FAM193A: variants seen among roughly 807,000 people sequenced by gnomAD.
FAM193A encodes family with sequence similarity 193 member A.
FAM193A carries 22 observed loss-of-function variants against 126.5 expected under a neutral mutation model. That is an observed-to-expected ratio of 0.17 (90% CI 0.12 to 0.25). FAM193A has a LOEUF of 0.25. FAM193A is among the 10% of genes least tolerant of loss of function. FAM193A has a pLI of 1.00. For missense variants in FAM193A, 1,675 were observed against 1,672.8 expected (o/e 1.00, Z -0.02); for synonymous variants, 761 against 646.8 (o/e 1.18, Z -2.68).
intron 1 of FAM193A, among the ~76,000 whole-genome samples, chr4:2,581,150 A>AC (rs1268647234): frequency 1.3e-5 from 2 of 151,998 alleles, no homozygotes. Flanking sequence ...ACAAAAAAAA[A>AC]ACCACTGATT....
chr4:2,568,977 T>TC (rs1340440665), intron 1 of FAM193A, among the ~76,000 whole-genome samples: 3 of 140,578 alleles, frequency 2.1e-5, no homozygotes, highest in African/African-American at 8.0e-5. Flanking sequence ...GTTTTGCTTT[T>TC]TTTTTTTTTT....
chr4:2,659,635 C>A lies in FAM193A; in HGVS notation c.1467C>A (p.Ser489Arg). ...GGCACATGTTATCGTCCCGGCTGAG[C>A]ATGCCCGACTGCCCCAACTGCAACT... ...TMRHMLSSRL[S>R]MPDCPNCNYR... The change falls in exon 9 of 21, where the codon AGC becomes AGA. Residue 489 changes from serine to arginine, a missense_variant. By Grantham distance (110) the Ser-to-Arg change is moderately radical (BLOSUM62 -1). Around this residue, in one of 4 missense-constraint regions of FAM193A, gnomAD observed 1,186 missense variants for 1,109.2 expected, o/e 1.07. Coordinates refer to ENST00000637812, the MANE Select transcript of FAM193A (RefSeq NM_001366318.2). The A allele has an allele frequency of 1.2e-6, 2 of 1,614,118 alleles. No individual in the cohort carries two copies. Among genetic ancestry groups the A allele is most frequent in the Non-Finnish European group, 1.7e-6 (2 of 1,179,990 alleles).
chr4:2,539,212 G>A (rs1033063216), intron 1 of FAM193A, among the ~76,000 whole-genome samples: 5 of 151,922 alleles, frequency 3.3e-5, no homozygotes, highest in African/African-American at 9.7e-5. Context: ...TATTTTTGTC[G>A]CGTTATTCAA....
chr4:2,702,181 G>A (rs938585463), intron 19 of FAM193A, among the ~76,000 whole-genome samples: 7 of 152,116 alleles, frequency 4.6e-5, no homozygotes, highest in Admixed American at 1.3e-4. Context: ...AGTTATATCA[G>A]GATAGATCCA....
intron 1 of FAM193A, among the ~76,000 whole-genome samples, chr4:2,561,900 C>G (rs1738639079): frequency 6.6e-6 from 1 of 152,176 alleles, no homozygotes; most frequent in South Asian, 2.1e-4. Flanking sequence ...ATAGCTGTGG[C>G]TTGTGAACTC....
chr4:2,715,878 G>T, intron 19 of FAM193A, 145 bp from the exon 20 acceptor site: 1 of 654,530 alleles, frequency 1.5e-6, no homozygotes, highest in East Asian at 2.9e-5. Flanking sequence ...ACACCAAAGA[G>T]ATCTGTCCTC....
At chr4:2,554,089 T>G (rs948164849) in intron 1 of FAM193A, among the ~76,000 whole-genome samples, 11 of 152,104 alleles carry the variant, frequency 7.2e-5, no homozygotes, top group Admixed American at 5.9e-4. Flanking sequence ...TCCCTTTTAT[T>G]TATTTATTTT....
intron 1 of FAM193A, among the ~76,000 whole-genome samples, chr4:2,572,800 A>G (rs1435288187): frequency 2.0e-5 from 3 of 147,070 alleles, no homozygotes; most frequent in South Asian, 4.3e-4. Flanking sequence ...TTTTTTTTAA[A>G]GACCTGGCTG....
intron 20 of FAM193A, among the ~76,000 whole-genome samples, chr4:2,729,743 T>C (rs548901439): frequency 6.6e-6 from 1 of 152,260 alleles, no homozygotes; most frequent in Non-Finnish European, 1.5e-5. Context: ...CCCGAGTAGC[T>C]AGGACCACAG....
At chr4:2,680,062 T>C (rs60747167) in intron 13 of FAM193A, among the ~76,000 whole-genome samples, 5,094 of 151,830 alleles carry the variant, frequency 0.034, 201 homozygotes, top group African/African-American at 0.093. Flanking sequence ...GGTTTTGCCA[T>C]GTTGGCCAGG....
intron 1 of FAM193A, among the ~76,000 whole-genome samples, chr4:2,565,638 G>A (rs1323531595): frequency 6.6e-6 from 1 of 152,164 alleles, no homozygotes; most frequent in Admixed American, 6.6e-5. Context: ...TTCTTGGGTA[G>A]GGCAGGATTG....
intron 19 of FAM193A, among the ~76,000 whole-genome samples, chr4:2,707,649 T>A (rs1361162873): frequency 6.6e-6 from 1 of 152,024 alleles, no homozygotes; most frequent in African/African-American, 2.4e-5. Context: ...AAATTTTTTT[T>A]AATGTGGCTG....
At chr4:2,549,395 CTTT>C (rs869161808) in intron 1 of FAM193A, among the ~76,000 whole-genome samples, 2 of 122,642 alleles carry the variant, frequency 1.6e-5, no homozygotes, top group Admixed American at 8.2e-5. Flanking sequence ...TTCTTTTTTT[CTTT>C]TTTTTTTTTT....
chr4:2,591,293 G>A (rs942757831), intron 1 of FAM193A, among the ~76,000 whole-genome samples: 2 of 152,214 alleles, frequency 1.3e-5, no homozygotes, highest in East Asian at 3.9e-4. Flanking sequence ...AGTTTCAAGT[G>A]GGTGATTTTG....
At chr4:2,730,065 C>T (rs910763843) in intron 20 of FAM193A, among the ~76,000 whole-genome samples, 6 of 152,186 alleles carry the variant, frequency 3.9e-5, no homozygotes, top group Admixed American at 2.6e-4. Flanking sequence ...TGTACTGCCA[C>T]TCCTGGCTAA....
At chr4:2,641,015 C>T (rs1744566012) in intron 6 of FAM193A, among the ~76,000 whole-genome samples, 3 of 151,870 alleles carry the variant, frequency 2.0e-5, no homozygotes, top group African/African-American at 7.3e-5. Flanking sequence ...AATTGTTGTT[C>T]TGTTGACTAC....
intron 20 of FAM193A, among the ~76,000 whole-genome samples, chr4:2,727,696 G>A (rs1211843859): frequency 1.3e-5 from 2 of 152,096 alleles, no homozygotes; most frequent in East Asian, 3.9e-4. Context: ...CAGAGTGCAG[G>A]GGCTCTCTCT....
At chr4:2,570,099 G>A (rs1422007992) in intron 1 of FAM193A, among the ~76,000 whole-genome samples, 1 of 136,708 alleles carries the variant, frequency 7.3e-6, no homozygotes, top group African/African-American at 3.1e-5. Flanking sequence ...TTCACTTTTG[G>A]GTATCTTCTG....
intron 12 of FAM193A, among the ~76,000 whole-genome samples, chr4:2,671,034 C>T (rs771963344): frequency 2.4e-4 from 36 of 152,224 alleles, no homozygotes; most frequent in Non-Finnish European, 3.4e-4. Context: ...GGCTGATTGG[C>T]CAGCTGATGA....
Sources: allele counts gnomAD v4.1 joint callset (sites outside exome capture counted in the v4.1 genomes callset), GRCh38; gene constraint gnomAD v4.1.1; regional missense constraint gnomAD v4.1.1; transcripts MANE v1.5; gene names NCBI Gene and HGNC (gene_info 2026-07-23, HGNC 2026-07-21).